The following MANSC1 variants were observed in gnomAD, a reference collection of about 807,000 sequenced individuals.
The protein encoded by MANSC1 is MANSC domain-containing protein 1.
In MANSC1, 13 loss-of-function variants were observed where a neutral mutation model predicts 14.1. The observed-to-expected ratio is 0.92, with a 90% CI of 0.60 to 1.46. The LOEUF (loss-of-function observed/expected upper bound fraction) is 1.46, where lower values mean the gene tolerates loss of function less well. Ranked by LOEUF, MANSC1 falls within the 40% of genes most tolerant of loss-of-function variation. MANSC1 has a pLI of 0.00. For missense variants in MANSC1, 486 were observed against 511.4 expected, an observed-to-expected ratio of 0.95 and a Z score of 0.48; for synonymous variants, 227 against 200.7, an observed-to-expected ratio of 1.13 and a Z score of -1.11.
chr12:12,348,979 A>T (rs976590671), intron 1 of MANSC1, among the ~76,000 whole-genome samples: 3 of 152,206 alleles, frequency 2.0e-5, no homozygotes, highest in Non-Finnish European at 4.4e-5. Context: ...ATTAAGTAAC[A>T]AGTGGTCATC....
intron 3 of MANSC1, among the ~76,000 whole-genome samples, chr12:12,333,023 G>A (rs1394877006): frequency 2.0e-5 from 3 of 149,836 alleles, no homozygotes; most frequent in Non-Finnish European, 4.5e-5. Context: ...TAGAATTTGG[G>A]TCAAATGAAA....
At chr12:12,344,915 CCATATATATATATA>C (rs1262084056) in intron 1 of MANSC1, among the ~76,000 whole-genome samples, 33 of 30,056 alleles carry the variant, frequency 1.1e-3, no homozygotes, top group African/African-American at 3.1e-3. Flanking sequence ...TAATAAACTC[CCATATATATATATA>C]TATATATATA....
In MANSC1 at chr12:12,329,302, G is replaced by A. The variant is rs936134123; in HGVS notation, c.*725C>T. 1 of 152,094 alleles carries A rather than the reference G, an allele frequency of 6.6e-6. No individual in the cohort carries two copies. Among genetic ancestry groups the A allele is most frequent in the Admixed American group, 6.6e-5 (1 of 15,256 alleles). 9.4% of individuals were successfully genotyped at this position (152,094 alleles called of 1,614,324 possible). ...ATTTATTCAAATATTTAATTGGAAG[G>A]AACTACATCTGGAATAAGTTTTAAA... On this transcript the variant is annotated 3_prime_UTR_variant, in exon 4 of 4. Coordinates refer to ENST00000535902, the MANE Select transcript of MANSC1 (RefSeq NM_018050.4).
In MANSC1 at chr12:12,330,032, T is replaced by A; in HGVS notation, c.1291A>T (p.Ile431Phe). Residue 431 changes from isoleucine (I) to phenylalanine (F), a missense_variant, in exon 4 of 4, where the codon ATC becomes TTC. By Grantham distance (21) the Ile-to-Phe change is conservative (BLOSUM62 0). Coordinates refer to ENST00000535902, the MANE Select transcript of MANSC1 (RefSeq NM_018050.4). ...DYLINGIYVD[I>F] ...AGAGACACCGAGTTCCATCCTTAGA[T>A]GTCCACATAGATCCCATTGATCAAA... 6.2e-7 allele frequency: 1 copy of A among 1,612,832 alleles called. No homozygotes were observed. Among genetic ancestry groups the A allele is most frequent in the East Asian group, 2.2e-5 (1 of 44,868 alleles).
rs1217661082 is a variant in MANSC1 at position 12,328,520 on chromosome 12, T to A, written c.*1507A>T. 6.6e-6 allele frequency: 1 copy of A among 150,938 alleles called. No homozygotes were observed. The highest frequency in any genetic ancestry group is 1.5e-5 in the Non-Finnish European group (1 of 67,952). The allele number at this position is 150,938 out of a possible 1,614,324, so 9.3% of individuals were successfully genotyped here. A position where few individuals can be genotyped will look rare whatever the true frequency, so the allele number is the denominator to read the frequency against. On this transcript the variant is annotated 3_prime_UTR_variant, in exon 4 of 4. Transcript: ENST00000535902. ...ATTTGCCCATCTCGGCCTCCCAAAG[T>A]GCTGGGATTACAGGCGTGAGCCACC...
At chr12:12,335,336 C>T (rs552664987) in intron 3 of MANSC1, among the ~76,000 whole-genome samples, 2 of 134,314 alleles carry the variant, frequency 1.5e-5, no homozygotes, top group South Asian at 5.3e-4. Context: ...TTTGAGAAAT[C>T]ACCTTTTTTT....
At chr12:12,337,764 G>A (rs1164760058) in intron 3 of MANSC1, among the ~76,000 whole-genome samples, 6 of 152,098 alleles carry the variant, frequency 3.9e-5, no homozygotes, top group African/African-American at 1.4e-4. Flanking sequence ...ACAAGCCAAA[G>A]TCTCAGCAAA....
chr12:12,338,546 T>C lies in MANSC1; in HGVS notation c.238A>G (p.Asn80Asp), dbSNP rs370184570. 6.2e-6 allele frequency: 10 copies of C among 1,612,962 alleles called. No homozygotes were observed. The highest frequency in any genetic ancestry group is 8.5e-6 in the Non-Finnish European group (10 of 1,179,788). ...TTTCGAGTGTCGAAGATCATCAAGT[T>C]ACATGCTTTGTCCCCTGCAATGAAA... Reference protein sequence around the residue: ...TKNISGDKACNLMIFDTRKTA... With the variant: ...TKNISGDKACDLMIFDTRKTA... The change falls in exon 3 of 4, where the codon AAC (asparagine) becomes GAC (aspartate). Residue 80 changes from asparagine to aspartate, a missense_variant. Asn to Asp is a conservative substitution (Grantham distance 23, BLOSUM62 1). Coordinates refer to ENST00000535902, the MANE Select transcript of MANSC1 (RefSeq NM_018050.4).
chr12:12,337,638 C>T (rs1862876308), intron 3 of MANSC1, among the ~76,000 whole-genome samples: 1 of 152,128 alleles, frequency 6.6e-6, no homozygotes, highest in Non-Finnish European at 1.5e-5. Flanking sequence ...CAAATACTGT[C>T]TATGAAGGGT....
chr12:12,334,025 G>T (rs2135989815), intron 3 of MANSC1, among the ~76,000 whole-genome samples: 1 of 152,308 alleles, frequency 6.6e-6, no homozygotes, highest in South Asian at 2.1e-4. Flanking sequence ...GAGGCAGGAT[G>T]ATTGCTTGAG....
At chr12:12,342,995 G>A (rs1862957392) in intron 2 of MANSC1, 97 bp downstream of exon 2, 1 of 843,180 alleles carries the variant, frequency 1.2e-6, no homozygotes, top group African/African-American at 1.7e-5. Flanking sequence ...TTCATACCCT[G>A]TCGAGAATCA....
chr12:12,349,559 G>A (rs1863050783), intron 1 of MANSC1, among the ~76,000 whole-genome samples: 1 of 152,140 alleles, frequency 6.6e-6, no homozygotes, highest in South Asian at 2.1e-4. Context: ...GGATACAGGC[G>A]GGTGAGAGAG....
intron 1 of MANSC1, among the ~76,000 whole-genome samples, 156 bp from the exon 2 acceptor site, chr12:12,343,570 A>G (rs1298090513): frequency 6.6e-6 from 1 of 152,232 alleles, no homozygotes; most frequent in African/African-American, 2.4e-5. Context: ...TAAATTTAAG[A>G]CAACTTTTCA....
intron 3 of MANSC1, among the ~76,000 whole-genome samples, chr12:12,332,599 C>A (rs534771520): frequency 2.0e-5 from 3 of 152,286 alleles, no homozygotes; most frequent in South Asian, 2.1e-4. Context: ...CGACTCACTG[C>A]AACCTCTGCC....
At chr12:12,332,139 A>G (rs555585908) in intron 3 of MANSC1, among the ~76,000 whole-genome samples, 2 of 152,332 alleles carry the variant, frequency 1.3e-5, no homozygotes, top group African/African-American at 4.8e-5. Flanking sequence ...ATTGCCATGT[A>G]TCACTCTGCT....
At position 12,330,744 on chromosome 12, in the gene MANSC1, G is replaced by C; in HGVS notation, c.579C>G (p.Ala193=). The change falls in exon 4 of 4, where the codon GCC becomes GCG. Residue 193 remains alanine, a synonymous_variant. Coordinates refer to ENST00000535902, the MANE Select transcript of MANSC1 (RefSeq NM_018050.4). ...EKLFKMDEAS[A]QLLAYKEKGH... is the part of the protein sequence containing the mutation. ...CTTTTTCCTTATAAGCAAGGAGCTGGGCACTTGCTTCATCCATCTTAAATA... is the reference window on the plus strand; with the variant it reads ...CTTTTTCCTTATAAGCAAGGAGCTGCGCACTTGCTTCATCCATCTTAAATA... 10 of 1,614,146 alleles carry C rather than the reference G, an allele frequency of 6.2e-6. No homozygotes were observed. Among genetic ancestry groups the C allele is most frequent in the Non-Finnish European group, 8.5e-6 (10 of 1,179,998 alleles).
intron 2 of MANSC1, among the ~76,000 whole-genome samples, chr12:12,339,521 G>A (rs1466986191): frequency 6.6e-6 from 1 of 152,034 alleles, no homozygotes; most frequent in Non-Finnish European, 1.5e-5. Flanking sequence ...GCCCTAGTTG[G>A]CCTCTGAAAG....
Position 12,329,885 on chromosome 12 carries a change from CCAAA to C in MANSC1, c.*138_*141del. The C allele has an allele frequency of 1.6e-6, 1 of 640,644 alleles. No individual in the cohort carries two copies. The highest frequency in any genetic ancestry group is 2.6e-6 in the Non-Finnish European group (1 of 392,044). The allele number at this position is 640,644 out of a possible 1,614,324, so 39.7% of individuals were successfully genotyped here. A position where few individuals can be genotyped will look rare whatever the true frequency, so the allele number is the denominator to read the frequency against. ...TGGGCAACAAAGCAAGACTCTGTCT[CCAAA>C]AAAAAAAAAGGAAAGCAGAAGGGGG... On this transcript the variant is annotated 3_prime_UTR_variant, in exon 4 of 4. Transcript: ENST00000535902.
Position 12,327,075 on chromosome 12 carries a change from G to C in MANSC1, c.*2952C>G, listed in dbSNP as rs1196077346. On this transcript the variant is annotated 3_prime_UTR_variant, in exon 4 of 4. Transcript: ENST00000535902. ...TCCACCCACCTTGGACTCCCAAAGT[G>C]CTGGGATTACAGGCGTGAGCCACCA... The C allele has an allele frequency of 6.6e-6, 1 of 152,520 alleles. No individual in the cohort carries two copies. Among genetic ancestry groups the C allele is most frequent in the Non-Finnish European group, 1.5e-5 (1 of 68,310 alleles). The allele number at this position is 152,520 out of a possible 1,614,324, so 9.4% of individuals were successfully genotyped here. A position where few individuals can be genotyped will look rare whatever the true frequency, so the allele number is the denominator to read the frequency against.
Sources: gnomAD v4.1 joint callset for allele counts (sites outside exome capture counted in the v4.1 genomes callset) on GRCh38, gnomAD v4.1.1 for gene constraint, MANE v1.5 for transcripts, NCBI Gene and HGNC (gene_info 2026-07-23, HGNC 2026-07-21) for gene names.